ACOXL: variants seen among roughly 807,000 people sequenced by gnomAD.
ACOXL encodes acyl-CoA oxidase like.
A neutral mutation model predicts 71.9 loss-of-function variants in ACOXL; 70 were observed. The observed-to-expected ratio is 0.97, with a 90% CI of 0.80 to 1.19. The LOEUF (loss-of-function observed/expected upper bound fraction) is 1.19. Ranked by LOEUF, ACOXL falls within the 50% of genes most tolerant of loss-of-function variation. The pLI is 0.00. For missense variants in ACOXL, 703 were observed against 736.3 expected (o/e 0.95, Z 0.52); for synonymous variants, 253 against 281.6 (o/e 0.90, Z 1.02).
chr2:110,842,040 C>T (rs1691237440), intron 10 of ACOXL, among the ~76,000 whole-genome samples: 1 of 152,184 alleles, frequency 6.6e-6, no homozygotes, highest in African/African-American at 2.4e-5. Flanking sequence ...GTGCTCACAG[C>T]CTCCCAAAGT....
rs559414759 is a variant in ACOXL at position 110,926,105 on chromosome 2, C to T, written c.906-7384C>T. On this transcript the variant is annotated intron_variant, in intron 11 of 17. Coordinates refer to ENST00000439055, the MANE Select transcript of ACOXL (RefSeq NM_001142807.4). ...TTATGTGGGTGCAGTTTGTGATGCC[C>T]CAAAACGATTACAATAGTAACATCA... 2.0e-5 allele frequency among the ~76,000 whole-genome samples: 3 copies of T among 152,002 alleles called. No homozygotes were observed. In the South Asian group the frequency reaches 6.2e-4, roughly 32 times the overall value.
At chr2:111,039,924 GA>G (rs911563520) in intron 15 of ACOXL, among the ~76,000 whole-genome samples, 2 of 152,228 alleles carry the variant, frequency 1.3e-5, no homozygotes, top group Non-Finnish European at 2.9e-5. Flanking sequence ...AAAATGTTCA[GA>G]ACAGCTGTTT....
At chr2:111,011,487 T>C (rs2064153554) in intron 14 of ACOXL, among the ~76,000 whole-genome samples, 1 of 152,202 alleles carries the variant, frequency 6.6e-6, no homozygotes, top group African/African-American at 2.4e-5. Flanking sequence ...GTCTTCCATA[T>C]GCTTTGAATG....
intron 10 of ACOXL, among the ~76,000 whole-genome samples, chr2:110,858,439 G>A (rs1164020642): frequency 1.3e-5 from 2 of 152,132 alleles, no homozygotes; most frequent in Admixed American, 1.3e-4. Flanking sequence ...TTCTAAGAGT[G>A]GGTTTTGGTT....
At chr2:110,941,046 G>T (rs1336842523) in intron 12 of ACOXL, among the ~76,000 whole-genome samples, 1 of 152,170 alleles carries the variant, frequency 6.6e-6, no homozygotes, top group East Asian at 1.9e-4. Context: ...ACACAAGAAA[G>T]AAAAATTGTC....
intron 9 of ACOXL, among the ~76,000 whole-genome samples, chr2:110,835,372 AT>A (rs1469659285): frequency 1.3e-5 from 2 of 151,560 alleles, no homozygotes; most frequent in Non-Finnish European, 2.9e-5. Context: ...GTCTTGTTGT[AT>A]TTTTCCTCTT....
chr2:111,117,544 T>G, intron 17 of ACOXL, 72 bp from the exon 18 acceptor site: 2 of 1,490,288 alleles, frequency 1.3e-6, no homozygotes, highest in East Asian at 4.9e-5. Flanking sequence ...CTTGGTGGGC[T>G]GAAAGCTGCT....
chr2:110,818,165 C>T (rs1463307377), intron 9 of ACOXL, among the ~76,000 whole-genome samples: 4 of 151,520 alleles, frequency 2.6e-5, no homozygotes, highest in East Asian at 3.9e-4. Flanking sequence ...GAGGTCAAGT[C>T]GGGGGGATCA....
intron 14 of ACOXL, among the ~76,000 whole-genome samples, chr2:111,015,880 C>T (rs1300374849): frequency 6.6e-6 from 1 of 152,148 alleles, no homozygotes; most frequent in Non-Finnish European, 1.5e-5. Flanking sequence ...ATAGTTAATA[C>T]TGTATAATTC....
chr2:110,886,778 T>G, intron 10 of ACOXL: 1 of 1,551,000 alleles, frequency 6.4e-7, no homozygotes, highest in Non-Finnish European at 8.7e-7. Context: ...TCCCTTTTTC[T>G]AGGTCCAGAA....
intron 2 of ACOXL, among the ~76,000 whole-genome samples, chr2:110,779,757 T>C (rs539629771): frequency 2.0e-5 from 3 of 152,222 alleles, no homozygotes; most frequent in East Asian, 3.8e-4. Context: ...GATAAGCATA[T>C]GGGAAGAAAG....
chr2:110,894,710 G>C lies in ACOXL; in HGVS notation c.789-14079G>C, dbSNP rs371095252. Among the ~76,000 whole-genome samples the C allele has an allele frequency of 7.8e-4, 118 of 152,216 alleles. No individual in the cohort carries two copies. The Middle Eastern group carries it at 0.01, about 13-fold the overall frequency. ...AACTCCTGCCACCTCCTGCAGTGGT[G>C]GTGTTACAGGAGGCCAACTAGAGTT... On this transcript the variant is annotated intron_variant, in intron 10 of 17. Coordinates refer to ENST00000439055, the MANE Select transcript of ACOXL (RefSeq NM_001142807.4).
chr2:111,019,499 T>C (rs543928582), intron 14 of ACOXL, among the ~76,000 whole-genome samples: 1 of 152,310 alleles, frequency 6.6e-6, no homozygotes, highest in East Asian at 1.9e-4. Context: ...TGGAAAGTAA[T>C]ATATTCAATT....
At chr2:111,049,905 A>G (rs2066202301) in intron 16 of ACOXL, among the ~76,000 whole-genome samples, 1 of 152,028 alleles carries the variant, frequency 6.6e-6, no homozygotes. Flanking sequence ...GGTGAGCCAA[A>G]AGTGTGGAAA....
intron 15 of ACOXL, among the ~76,000 whole-genome samples, chr2:111,033,642 CTTCTTCTGTTGGTGGGTTAT>C (rs1355591672): frequency 6.6e-6 from 1 of 152,176 alleles, no homozygotes; most frequent in Non-Finnish European, 1.5e-5. Flanking sequence ...GTAAACCACC[CTTCTTCTGTTGGTGGGTTAT>C]TTCTTCAGAT....
chr2:111,063,187 A>C (rs910322014), intron 16 of ACOXL, among the ~76,000 whole-genome samples: 1 of 152,184 alleles, frequency 6.6e-6, no homozygotes, highest in Non-Finnish European at 1.5e-5. Flanking sequence ...AGATACTTTC[A>C]GTGGTTAATT....
At chr2:110,788,839 A>T (rs1295020872) in intron 3 of ACOXL, among the ~76,000 whole-genome samples, 1 of 152,124 alleles carries the variant, frequency 6.6e-6, no homozygotes, top group Admixed American at 6.5e-5. Flanking sequence ...GGTGGAGGAG[A>T]TGCCAGGAGG....
intron 11 of ACOXL, among the ~76,000 whole-genome samples, chr2:110,916,794 A>G (rs996148756): frequency 1.3e-5 from 2 of 152,240 alleles, no homozygotes; most frequent in Admixed American, 6.5e-5. Flanking sequence ...ACACAATTAA[A>G]CTAGAAAATC....
At chr2:110,931,665 C>T (rs1168240993) in intron 11 of ACOXL, among the ~76,000 whole-genome samples, 1 of 152,142 alleles carries the variant, frequency 6.6e-6, no homozygotes, top group Non-Finnish European at 1.5e-5. Context: ...CCCAACAACT[C>T]TATGAAATAG....
Sources: allele counts gnomAD v4.1 joint callset (sites outside exome capture counted in the v4.1 genomes callset), GRCh38; gene constraint gnomAD v4.1.1; transcripts MANE v1.5; gene names NCBI Gene and HGNC (gene_info 2026-07-23, HGNC 2026-07-21).